The following GALNT10 variants were observed in gnomAD, a reference collection of about 807,000 sequenced individuals.
GALNT10 encodes the protein polypeptide N-acetylgalactosaminyltransferase 10.
A neutral mutation model predicts 75.0 loss-of-function variants in GALNT10; 41 were observed. That is an observed-to-expected ratio of 0.55 (90% confidence interval 0.43 to 0.71). The LOEUF (loss-of-function observed/expected upper bound fraction) is 0.71. Among genes scored for constraint, GALNT10 ranks in the 30% least tolerant of loss-of-function variants. The probability of loss-of-function intolerance (pLI) is 0.00; values close to 1 mark genes in which losing one functional copy is unlikely to be tolerated. For missense variants in GALNT10, 727 were observed against 818.5 expected (o/e 0.89, Z 1.36); for synonymous variants, 302 against 313.0 (o/e 0.96, Z 0.37).
chr5:154,221,556 A>G (rs1752978547), intron 1 of GALNT10, among the ~76,000 whole-genome samples: 1 of 152,172 alleles, frequency 6.6e-6, no homozygotes, highest in South Asian at 2.1e-4. Flanking sequence ...TTTCACCATT[A>G]TAAGCCTGCT....
intron 1 of GALNT10, among the ~76,000 whole-genome samples, chr5:154,261,153 T>C (rs1472984756): frequency 6.6e-6 from 1 of 152,252 alleles, no homozygotes; most frequent in Non-Finnish European, 1.5e-5. Context: ...CTGACACTGT[T>C]AATTTCATTT....
At chr5:154,347,229 T>G (rs758383816) in intron 4 of GALNT10, 1 of 472,462 alleles carries the variant, frequency 2.1e-6, no homozygotes, top group Non-Finnish European at 4.1e-6. Context: ...GAGGTGAAAC[T>G]GAGGATTAGG....
intron 3 of GALNT10, among the ~76,000 whole-genome samples, chr5:154,304,742 CAT>C (rs753466193): frequency 1.1e-4 from 17 of 152,156 alleles, no homozygotes; most frequent in South Asian, 4.1e-4. Flanking sequence ...GGATTTAAAA[CAT>C]GTGTAAAATA....
At chr5:154,328,076 C>T (rs7737733) in intron 3 of GALNT10, among the ~76,000 whole-genome samples, 19,491 of 99,694 alleles carry the variant, frequency 0.2, 1,757 homozygotes, top group Middle Eastern at 0.3. Context: ...ACAAACAAAT[C>T]GAAGGGGAAA....
At chr5:154,347,171 G>A in intron 4 of GALNT10, 1 of 510,892 alleles carries the variant, frequency 2.0e-6, no homozygotes, top group Non-Finnish European at 4.0e-6. Flanking sequence ...TGGCATTGTT[G>A]TCTGGCATTG....
intron 3 of GALNT10, among the ~76,000 whole-genome samples, chr5:154,326,083 A>C (rs1754751505): frequency 6.6e-6 from 1 of 152,182 alleles, no homozygotes; most frequent in Non-Finnish European, 1.5e-5. Flanking sequence ...CAAAAAAAAA[A>C]ACCTGAAAGT....
intron 3 of GALNT10, among the ~76,000 whole-genome samples, chr5:154,327,395 G>A (rs1754770583): frequency 6.6e-6 from 1 of 152,252 alleles, no homozygotes; most frequent in Admixed American, 6.5e-5. Context: ...GTTAGGGCAG[G>A]AAATGTGTGA....
chr5:154,376,603 G>T lies in GALNT10; in HGVS notation c.754+141G>T. 1 of 582,152 alleles carries T rather than the reference G, an allele frequency of 1.7e-6. No homozygotes were observed. Among genetic ancestry groups the T allele is most frequent in the Non-Finnish European group, 3.0e-6 (1 of 337,070 alleles). 36.1% of individuals were successfully genotyped at this position (582,152 alleles called of 1,614,324 possible). ...CAGCACAATGCCAGGTGCCATGAGG[G>T]ATTCAGAAGTTCAGGAGTGCTCAAA... On this transcript the variant is annotated intron_variant, in intron 5 of 11. Transcript: ENST00000297107. This position sits in a 1 kb window ranked among gnomAD's most constrained non-coding sequence, Gnocchi z 4.1.
chr5:154,326,669 A>G (rs1170249763), intron 3 of GALNT10, among the ~76,000 whole-genome samples: 59 of 152,238 alleles, frequency 3.9e-4, no homozygotes, highest in Admixed American at 3.9e-3. Context: ...GAATCCATTT[A>G]TATAAAATGT....
chr5:154,202,200 G>A (rs1246440014), intron 1 of GALNT10, among the ~76,000 whole-genome samples: 1 of 152,196 alleles, frequency 6.6e-6, no homozygotes, highest in African/African-American at 2.4e-5. Context: ...AGAGGCAGCT[G>A]AACATAGCCA....
Position 154,329,620 on chromosome 5 carries a change from C to G in GALNT10, c.450C>G (p.Ile150Met). 6.2e-7 allele frequency: 1 copy of G among 1,613,778 alleles called. No homozygotes were observed. The highest frequency in any genetic ancestry group is 1.6e-4 in the Middle Eastern group (1 of 6,062). ...YLETLPNTSI[I>M]IPFHNEGWSS... ...AGACACTTCCCAACACAAGCATCAT[C>G]ATCCCCTTCCACAACGAGGGCTGGT... Residue 150 changes from isoleucine to methionine, a missense_variant, in exon 4 of 12, where the codon ATC (isoleucine) becomes ATG (methionine). Transcript: ENST00000297107.
chr5:154,229,816 A>G (rs1444953015), intron 1 of GALNT10, among the ~76,000 whole-genome samples: 6 of 152,244 alleles, frequency 3.9e-5, no homozygotes, highest in Admixed American at 2.0e-4. Flanking sequence ...TTTCTGGCAC[A>G]GTCCCTGGCA....
chr5:154,197,162 G>A (rs1367302447), intron 1 of GALNT10, among the ~76,000 whole-genome samples: 1 of 152,170 alleles, frequency 6.6e-6, no homozygotes, highest in Non-Finnish European at 1.5e-5. Flanking sequence ...CCAACACACA[G>A]TGGAGGGTGG....
intron 1 of GALNT10, among the ~76,000 whole-genome samples, chr5:154,244,696 G>C (rs1228618659): frequency 6.6e-6 from 1 of 152,206 alleles, no homozygotes; most frequent in Non-Finnish European, 1.5e-5. Flanking sequence ...AGGGGAACAG[G>C]TGCTGTGAGA....
Position 154,401,375 on chromosome 5 carries a change from T to C in GALNT10, c.1057-2729T>C, listed in dbSNP as rs141142273. On this transcript the variant is annotated intron_variant, in intron 7 of 11. Coordinates refer to ENST00000297107, the MANE Select transcript of GALNT10 (RefSeq NM_198321.4). ...AGGTGTCCCACCTGCTCAGGGCCAC[T>C]GCACCACCTGAAAGGCAGAGGGCAG... Among the ~76,000 whole-genome samples, 170 of 152,326 alleles carry C rather than the reference T, an allele frequency of 1.1e-3. 1 individual carries two copies. The highest frequency in any genetic ancestry group is 3.9e-3 in the African/African-American group (164 of 41,570).
chr5:154,238,103 G>A (rs1368174992), intron 1 of GALNT10, among the ~76,000 whole-genome samples: 1 of 152,162 alleles, frequency 6.6e-6, no homozygotes, highest in East Asian at 1.9e-4. Context: ...TGCCCTTGAG[G>A]CATTTGGGGT....
Position 154,412,094 on chromosome 5 carries a change from T to C in GALNT10, c.1387-795T>C, listed in dbSNP as rs186776544. 9.8e-5 allele frequency among the ~76,000 whole-genome samples: 15 copies of C among 152,304 alleles called. No individual in the cohort carries two copies. Among genetic ancestry groups the C allele is most frequent in the Admixed American group, 5.2e-4 (8 of 15,308 alleles). On this transcript the variant is annotated intron_variant, in intron 9 of 11. Coordinates refer to ENST00000297107, the MANE Select transcript of GALNT10 (RefSeq NM_198321.4). This position sits in a 1 kb window ranked among gnomAD's most constrained non-coding sequence, Gnocchi z 4.2. Reference sequence around the variant, plus strand: ...GGTGGACACAGTGGTGGATTCAGAATACAGGATCTGGGTGCAATGAGACTC... The same window carrying C: ...GGTGGACACAGTGGTGGATTCAGAACACAGGATCTGGGTGCAATGAGACTC...
chr5:154,306,021 A>AAAC (rs898840350), intron 3 of GALNT10, among the ~76,000 whole-genome samples: 3 of 152,128 alleles, frequency 2.0e-5, no homozygotes, highest in Admixed American at 6.5e-5. Context: ...CCATCTCAGA[A>AAAC]AACAACAACA....
intron 6 of GALNT10, among the ~76,000 whole-genome samples, chr5:154,383,868 C>A (rs1285401602): frequency 6.6e-6 from 1 of 152,190 alleles, no homozygotes; most frequent in Non-Finnish European, 1.5e-5. Context: ...TTAATCCATT[C>A]TCACACTGCT....
Sources: allele counts gnomAD v4.1 joint callset (sites outside exome capture counted in the v4.1 genomes callset), GRCh38; gene constraint gnomAD v4.1.1; non-coding constraint Gnocchi (gnomAD v3.1); transcripts MANE v1.5; gene names NCBI Gene and HGNC (gene_info 2026-07-23, HGNC 2026-07-21).